Variants in PDE4D observed in about 807,000 individuals in gnomAD.
The protein encoded by PDE4D is phosphodiesterase 4D, also known as 3',5'-cyclic-AMP phosphodiesterase 4D.
Under a neutral mutation model 87.4 loss-of-function variants are expected in PDE4D, and 24 were observed. That is an observed-to-expected ratio of 0.27 (90% CI 0.20 to 0.39). The LOEUF (loss-of-function observed/expected upper bound fraction) is 0.39, where lower values mean the gene tolerates loss of function less well. PDE4D is among the 10% of genes least tolerant of loss of function. The probability of loss-of-function intolerance (pLI) is 1.00; values close to 1 mark genes in which losing one functional copy is unlikely to be tolerated. For missense variants in PDE4D, 714 were observed against 1,041.0 expected (o/e 0.69, Z 4.32); for synonymous variants, 384 against 383.2 (o/e 1.00, Z -0.02).
intron 1 of PDE4D, among the ~76,000 whole-genome samples, chr5:59,684,553 T>C (rs1018518778): frequency 7.2e-5 from 11 of 152,018 alleles, no homozygotes; most frequent in Non-Finnish European, 4.4e-5. Context: ...GAAGAATGAG[T>C]AAGATGTGGA....
intron 1 of PDE4D, among the ~76,000 whole-genome samples, chr5:60,435,508 T>C (rs1321058569): frequency 6.6e-6 from 1 of 152,130 alleles, no homozygotes; most frequent in Non-Finnish European, 1.5e-5. Context: ...GTGTTAGTTA[T>C]GAAGATGATT....
intron 1 of PDE4D, among the ~76,000 whole-genome samples, chr5:60,257,130 AG>A (rs1226557462): frequency 6.6e-6 from 1 of 151,792 alleles, no homozygotes; most frequent in Non-Finnish European, 1.5e-5. Flanking sequence ...ATGGCCAAAA[AG>A]AATTAAGATT....
At chr5:60,026,073 T>C (rs1193043319) in intron 2 of PDE4D, among the ~76,000 whole-genome samples, 1 of 152,160 alleles carries the variant, frequency 6.6e-6, no homozygotes, top group Non-Finnish European at 1.5e-5. Context: ...TAACATGAAA[T>C]GATAGTTTGA....
chr5:60,007,634 T>C (rs922316462), intron 2 of PDE4D, among the ~76,000 whole-genome samples: 3 of 152,054 alleles, frequency 2.0e-5, no homozygotes, highest in African/African-American at 7.2e-5. Context: ...TCCCATTCTA[T>C]GTCACTGTCT....
At chr5:59,345,341 T>A (rs1007207258) in intron 1 of PDE4D, among the ~76,000 whole-genome samples, 3 of 152,110 alleles carry the variant, frequency 2.0e-5, no homozygotes, top group African/African-American at 7.2e-5. Context: ...AAGTACGACA[T>A]GGAAATTTTA....
chr5:59,506,700 C>T (rs1809332161), intron 1 of PDE4D, among the ~76,000 whole-genome samples: 1 of 152,088 alleles, frequency 6.6e-6, no homozygotes. Flanking sequence ...TGCACAGAAT[C>T]ACTAGACATC....
At chr5:59,479,304 C>T (rs1359582625) in intron 1 of PDE4D, among the ~76,000 whole-genome samples, 4 of 152,158 alleles carry the variant, frequency 2.6e-5, no homozygotes, top group Middle Eastern at 3.4e-3. Flanking sequence ...AGGCTCATGA[C>T]ATAACAGCTT....
chr5:60,262,326 G>A (rs1445096520), intron 1 of PDE4D: 1 of 152,146 alleles, frequency 6.6e-6, no homozygotes, highest in East Asian at 1.9e-4. Context: ...ATCAAAACAT[G>A]AGCAAAACAC....
rs149737622 is a variant in PDE4D at position 60,357,239 on chromosome 5, T to C, written c.-90+130703A>G. ...GTGAGGCCCCAAAAATCTAACTTTA[T>C]CATGTTGCTGCTCCACAGAACCAAG... is the stretch of plus-strand genomic sequence containing the variant. On this transcript the variant is annotated intron_variant, in intron 1 of 16. Transcript: ENST00000502484. Among the ~76,000 whole-genome samples the C allele has an allele frequency of 2.3e-3, 344 of 152,238 alleles. 2 individuals are homozygous for C. The highest frequency in any genetic ancestry group is 8.0e-3 in the African/African-American group (334 of 41,560).
chr5:59,423,725 T>G (rs1794800286), intron 1 of PDE4D, among the ~76,000 whole-genome samples: 1 of 151,332 alleles, frequency 6.6e-6, no homozygotes, highest in Non-Finnish European at 1.5e-5. Context: ...TATTTATACC[T>G]AAAATACACA....
chr5:60,005,087 TGTG>T (rs1764347251), intron 2 of PDE4D, among the ~76,000 whole-genome samples: 1 of 151,904 alleles, frequency 6.6e-6, no homozygotes, highest in Admixed American at 6.6e-5. Context: ...ATAGAGAAAC[TGTG>T]GTGTATATAC....
chr5:60,095,166 G>A (rs1159032039), intron 2 of PDE4D, among the ~76,000 whole-genome samples: 1 of 152,026 alleles, frequency 6.6e-6, no homozygotes, highest in African/African-American at 2.4e-5. Flanking sequence ...CATCACCTAC[G>A]TTAGGTATTT....
At chr5:59,049,023 A>G (rs557167253) in intron 5 of PDE4D, among the ~76,000 whole-genome samples, 2 of 152,254 alleles carry the variant, frequency 1.3e-5, no homozygotes, top group Admixed American at 6.5e-5. Flanking sequence ...TTATTGTATT[A>G]ATGTCACACT....
rs189239419 is a variant in PDE4D, at chr5:59,461,121, G to C, written c.456-245153C>G. On this transcript the variant is annotated intron_variant, in intron 1 of 14. Transcript: ENST00000340635. ...GTCCTCTTGGGGAGCACGCTGCTTT[G>C]TTCTGTTTACAACTTCATAGAGCAA... Among the ~76,000 whole-genome samples, 609 of 152,110 alleles carry C rather than the reference G, an allele frequency of 4.0e-3. 3 individuals carry two copies. The highest frequency in any genetic ancestry group is 8.3e-3 in the South Asian group (40 of 4,822).
intron 11 of PDE4D, among the ~76,000 whole-genome samples, chr5:58,980,923 G>C (rs1205092517): frequency 8.5e-5 from 13 of 152,088 alleles, no homozygotes; most frequent in Admixed American, 5.2e-4. Context: ...CAAGTCCAAA[G>C]GCCAGAGAAT....
intron 1 of PDE4D, among the ~76,000 whole-genome samples, chr5:60,310,477 G>T (rs879284971): frequency 2.0e-5 from 3 of 152,160 alleles, no homozygotes; most frequent in Non-Finnish European, 4.4e-5. Context: ...AGTTTATTCT[G>T]CAAAGTTCCA....
At chr5:59,831,507 G>A (rs897206433) in intron 1 of PDE4D, among the ~76,000 whole-genome samples, 3 of 151,980 alleles carry the variant, frequency 2.0e-5, no homozygotes, top group African/African-American at 7.2e-5. Context: ...TTTTACATGC[G>A]CTGTCTCCTG....
intron 2 of PDE4D, among the ~76,000 whole-genome samples, chr5:60,113,210 A>C (rs924790313): frequency 2.0e-5 from 3 of 152,142 alleles, no homozygotes; most frequent in Non-Finnish European, 2.9e-5. Context: ...AGGAGAGTCA[A>C]GTTGGCATCA....
At chr5:59,461,387 C>G (rs1231910613) in intron 1 of PDE4D, among the ~76,000 whole-genome samples, 1 of 151,680 alleles carries the variant, frequency 6.6e-6, no homozygotes, top group Non-Finnish European at 1.5e-5. Context: ...AATATATAAT[C>G]AAGCAAAAAT....
Sources: gnomAD v4.1 joint callset for allele counts (sites outside exome capture counted in the v4.1 genomes callset) on GRCh38, gnomAD v4.1.1 for gene constraint, MANE v1.5 for transcripts, NCBI Gene and HGNC (gene_info 2026-07-23, HGNC 2026-07-21) for gene names.